Variants in STXBP5L observed in about 807,000 individuals in gnomAD.
The protein encoded by STXBP5L is syntaxin-binding protein 5-like.
In STXBP5L, 65 loss-of-function variants were observed where a neutral mutation model predicts 144.5. The ratio of observed to expected loss-of-function variants is 0.45; its 90% CI spans 0.37 to 0.55. STXBP5L has a LOEUF of 0.55. Ranked by LOEUF, STXBP5L falls within the 20% of genes least tolerant of loss-of-function variation. The pLI is 0.00. For synonymous variants in STXBP5L, 505 were observed against 469.6 expected, an observed-to-expected ratio of 1.08 and a Z score of -0.97; for missense variants, 1,298 against 1,405.5, an observed-to-expected ratio of 0.92 and a Z score of 1.22.
intron 2 of STXBP5L, among the ~76,000 whole-genome samples, chr3:120,950,356 C>G (rs1711130811): frequency 6.6e-6 from 1 of 152,050 alleles, no homozygotes; most frequent in Non-Finnish European, 1.5e-5. Context: ...TCTGGAATCT[C>G]ATTTCCGTTC....
At chr3:120,956,437 T>C (rs2107709888) in intron 3 of STXBP5L, among the ~76,000 whole-genome samples, 1 of 152,070 alleles carries the variant, frequency 6.6e-6, no homozygotes, top group East Asian at 1.9e-4. Flanking sequence ...ATTCTTCTTT[T>C]TTGTGACTGG....
chr3:121,235,637 C>T (rs73191443), intron 12 of STXBP5L, among the ~76,000 whole-genome samples: 5,407 of 152,128 alleles, frequency 0.036, 146 homozygotes, highest in Middle Eastern at 0.082. Context: ...TTAATAATTT[C>T]TACTCTGAAA....
At position 121,209,451 on chromosome 3, in the gene STXBP5L, A is replaced by T. The variant is rs556176592; in HGVS notation, c.956+3450A>T. Among the ~76,000 whole-genome samples, 33 of 152,140 alleles carry T rather than the reference A, an allele frequency of 2.2e-4. 2 individuals carry two copies. In the South Asian group the frequency reaches 3.1e-3, roughly 14 times the overall value. On this transcript the variant is annotated intron_variant, in intron 10 of 26. Coordinates refer to ENST00000471454, the MANE Select transcript of STXBP5L (RefSeq NM_001308330.2). Reference sequence around the variant, plus strand: ...TTTTTTATTTTTATTTTATTATTATACTTTAAGTTCTAGGGTACATGTGCA... The same window carrying T: ...TTTTTTATTTTTATTTTATTATTATTCTTTAAGTTCTAGGGTACATGTGCA...
intron 10 of STXBP5L, among the ~76,000 whole-genome samples, chr3:121,219,752 A>G (rs1001289388): frequency 6.6e-6 from 1 of 152,262 alleles, no homozygotes; most frequent in East Asian, 1.9e-4. Flanking sequence ...CCAAGCCTCA[A>G]TATACCCATC....
At chr3:121,127,233 T>C (rs542719362) in intron 7 of STXBP5L, among the ~76,000 whole-genome samples, 5 of 152,220 alleles carry the variant, frequency 3.3e-5, no homozygotes, top group Admixed American at 2.6e-4. Context: ...TACATAACTT[T>C]GATAGGTCTC....
intron 7 of STXBP5L, among the ~76,000 whole-genome samples, chr3:121,136,213 C>A (rs2045250655): frequency 6.6e-6 from 1 of 152,200 alleles, no homozygotes; most frequent in South Asian, 2.1e-4. Context: ...AAATCATTCA[C>A]TTGGCGAAGG....
At chr3:120,991,758 C>G (rs867468434) in intron 3 of STXBP5L, among the ~76,000 whole-genome samples, 1 of 146,558 alleles carries the variant, frequency 6.8e-6, no homozygotes, top group Non-Finnish European at 1.5e-5. Flanking sequence ...GGGAATTGAA[C>G]AATGAGAACA....
At chr3:120,988,311 T>G (rs1282478039) in intron 3 of STXBP5L, among the ~76,000 whole-genome samples, 1 of 151,906 alleles carries the variant, frequency 6.6e-6, no homozygotes, top group Non-Finnish European at 1.5e-5. Flanking sequence ...TTTTTTCATT[T>G]AGTTATATTT....
intron 19 of STXBP5L, among the ~76,000 whole-genome samples, chr3:121,297,202 ATGTGTGTGTGTGTGTGTGTGTG>A (rs71133526): frequency 2.7e-5 from 4 of 148,340 alleles, no homozygotes; most frequent in South Asian, 4.3e-4. Context: ...TCTACATTAT[ATGTGTGTGTGTGTGTGTGTGTG>A]TGTGTGTGTG....
intron 3 of STXBP5L, among the ~76,000 whole-genome samples, chr3:120,985,422 T>C (rs1401863082): frequency 6.6e-6 from 1 of 152,064 alleles, no homozygotes; most frequent in African/African-American, 2.4e-5. Context: ...ATCTTTTTTG[T>C]AGTGAGAGCA....
intron 3 of STXBP5L, among the ~76,000 whole-genome samples, chr3:120,993,265 C>T (rs555127280): frequency 3.3e-5 from 5 of 152,144 alleles, no homozygotes; most frequent in Admixed American, 2.6e-4. Flanking sequence ...CAGGTAGCCT[C>T]TTCACTCTGT....
intron 19 of STXBP5L, among the ~76,000 whole-genome samples, chr3:121,315,854 T>C (rs778305720): frequency 6.6e-6 from 1 of 151,822 alleles, no homozygotes; most frequent in East Asian, 1.9e-4. Flanking sequence ...ATATAAAAAT[T>C]AGCTGGGCTT....
chr3:121,423,506 T>G lies in STXBP5L; in HGVS notation c.*4409T>G, dbSNP rs1479129060. On this transcript the variant is annotated 3_prime_UTR_variant, in exon 27 of 27. Transcript: ENST00000471454. ...GTGAGGAAGGACATGGGAGCCACAG[T>G]GAAGTGAAAGAGGCTTTAAGGAATC... The G allele has an allele frequency of 6.6e-6, 1 of 152,278 alleles. No homozygotes were observed. Among genetic ancestry groups the G allele is most frequent in the African/African-American group, 2.4e-5 (1 of 41,464 alleles). 9.4% of individuals were successfully genotyped at this position (152,278 alleles called of 1,614,324 possible).
intron 18 of STXBP5L, among the ~76,000 whole-genome samples, chr3:121,266,655 G>C (rs966134015): frequency 6.6e-6 from 1 of 152,066 alleles, no homozygotes; most frequent in African/African-American, 2.4e-5. Flanking sequence ...AGAAATAAAG[G>C]GTATTCAAAT....
rs759457567 is a variant in STXBP5L at position 121,250,279 on chromosome 3, C to A, written c.1401-444C>A. Among the ~76,000 whole-genome samples, 159 of 151,796 alleles carry A rather than the reference C, an allele frequency of 1.0e-3. 2 individuals are homozygous for A. Among genetic ancestry groups the A allele is most frequent in the Non-Finnish European group, 2.2e-4 (15 of 67,882 alleles). On this transcript the variant is annotated intron_variant, in intron 14 of 26. Coordinates refer to ENST00000471454, the MANE Select transcript of STXBP5L (RefSeq NM_001308330.2). ...TTATAGAATTGACATTTGATTATTACCAAATAATGATGCAACTCTAGATAT... is the reference window on the plus strand; with the variant it reads ...TTATAGAATTGACATTTGATTATTAACAAATAATGATGCAACTCTAGATAT...
Position 121,305,934 on chromosome 3 carries a change from G to A in STXBP5L, c.2111-12541G>A, listed in dbSNP as rs185623271. On this transcript the variant is annotated intron_variant, in intron 19 of 26. Transcript: ENST00000471454. ...AATAAGTGAATTTAGCAAGACTGAAGAACACATGTCAGTAGACAACAATTA... is the reference window on the plus strand; with the variant it reads ...AATAAGTGAATTTAGCAAGACTGAAAAACACATGTCAGTAGACAACAATTA... Among the ~76,000 whole-genome samples, 33 of 152,154 alleles carry A rather than the reference G, an allele frequency of 2.2e-4. No homozygotes were observed. In the East Asian group the frequency reaches 5.8e-3, roughly 27 times the overall value.
chr3:120,922,228 C>A (rs112565431), intron 2 of STXBP5L, among the ~76,000 whole-genome samples: 301 of 151,964 alleles, frequency 2.0e-3, no homozygotes, highest in Non-Finnish European at 3.6e-3. Flanking sequence ...TGTAGCTATT[C>A]TAAATGAGAT....
intron 6 of STXBP5L, among the ~76,000 whole-genome samples, chr3:121,116,218 C>T (rs1169565579): frequency 6.6e-6 from 1 of 152,120 alleles, no homozygotes; most frequent in Non-Finnish European, 1.5e-5. Flanking sequence ...GAAGTTGACT[C>T]ATTTTCTGCC....
chr3:121,282,403 T>G, intron 19 of STXBP5L: 1 of 1,475,626 alleles, frequency 6.8e-7, no homozygotes, highest in Non-Finnish European at 9.4e-7. Flanking sequence ...AATCCATACA[T>G]CAGTGCTCAG....
Sources: gnomAD v4.1 joint callset for allele counts (sites outside exome capture counted in the v4.1 genomes callset) on GRCh38, gnomAD v4.1.1 for gene constraint, MANE v1.5 for transcripts, NCBI Gene and HGNC (gene_info 2026-07-23, HGNC 2026-07-21) for gene names.